The following SCHIP1 variants were observed in gnomAD, a reference collection of about 807,000 sequenced individuals.
SCHIP1 encodes the protein schwannomin-interacting protein 1.
A neutral mutation model predicts 29.7 loss-of-function variants in SCHIP1; 8 were observed. The observed-to-expected ratio is 0.27, with a 90% confidence interval of 0.16 to 0.49. The LOEUF (loss-of-function observed/expected upper bound fraction) is 0.49, where lower values mean the gene tolerates loss of function less well. SCHIP1 is among the 20% of genes least tolerant of loss of function. The pLI is 0.99. For synonymous variants in SCHIP1, 76 were observed against 94.9 expected (o/e 0.80, Z 1.16); for missense variants, 193 against 294.6 (o/e 0.66, Z 2.52).
the SCHIP1 span, among the ~76,000 whole-genome samples, chr3:159,426,671 C>G: frequency 6.6e-6 from 1 of 152,170 alleles, no homozygotes; most frequent in Non-Finnish European, 1.5e-5. Flanking sequence ...GGAATCCTCC[C>G]TAACTCATTT....
chr3:159,386,427 C>T, the SCHIP1 span, among the ~76,000 whole-genome samples: 2 of 152,208 alleles, frequency 1.3e-5, no homozygotes, highest in East Asian at 1.9e-4. Context: ...GATACACGCT[C>T]ATGGATAGGA....
the SCHIP1 span, among the ~76,000 whole-genome samples, chr3:159,672,562 G>A: frequency 6.7e-6 from 1 of 150,282 alleles, no homozygotes. Flanking sequence ...ATTTGGCAAT[G>A]TCTTGAGATA....
chr3:159,565,103 C>A, the SCHIP1 span, among the ~76,000 whole-genome samples: 2 of 152,116 alleles, frequency 1.3e-5, no homozygotes, highest in East Asian at 3.9e-4. Context: ...GATGGTCAAT[C>A]ATATGGCAGT....
the SCHIP1 span, among the ~76,000 whole-genome samples, chr3:159,818,731 G>A: frequency 1.3e-5 from 2 of 152,260 alleles, no homozygotes; most frequent in Admixed American, 6.5e-5. Context: ...ACAGAGCAAA[G>A]GTCAGCTGTG....
the SCHIP1 span, among the ~76,000 whole-genome samples, chr3:159,374,530 A>G: frequency 6.6e-6 from 1 of 152,168 alleles, no homozygotes; most frequent in Non-Finnish European, 1.5e-5. Context: ...GCAGAAGCAC[A>G]GTAAGGTTAT....
chr3:159,660,975 T>C, the SCHIP1 span, among the ~76,000 whole-genome samples: 2 of 152,108 alleles, frequency 1.3e-5, no homozygotes, highest in Non-Finnish European at 2.9e-5. Context: ...TGTATACGAA[T>C]GCCAGGCACT....
the SCHIP1 span, among the ~76,000 whole-genome samples, chr3:159,671,385 C>T: frequency 2.0e-5 from 3 of 152,126 alleles, no homozygotes; most frequent in Admixed American, 6.5e-5. Context: ...ATTCTTCTTT[C>T]TGGTCACCTT....
At chr3:159,664,170 A>T in the SCHIP1 span, among the ~76,000 whole-genome samples, 8 of 152,324 alleles carry the variant, frequency 5.3e-5, no homozygotes, top group East Asian at 1.2e-3. Flanking sequence ...AGGACATTTC[A>T]TTCATCTCTC....
intron 5 of SCHIP1, among the ~76,000 whole-genome samples, chr3:159,890,494 A>G (rs1378651826): frequency 2.0e-5 from 3 of 152,252 alleles, no homozygotes; most frequent in African/African-American, 7.2e-5. Flanking sequence ...GGACATATTC[A>G]GTGCCAAGTT....
chr3:159,618,525 G>A, the SCHIP1 span, among the ~76,000 whole-genome samples: 2 of 152,146 alleles, frequency 1.3e-5, no homozygotes, highest in Non-Finnish European at 1.5e-5. Context: ...GAAAATCTAC[G>A]GAAGAAAATT....
chr3:159,480,832 T>C, the SCHIP1 span, among the ~76,000 whole-genome samples: 1 of 152,140 alleles, frequency 6.6e-6, no homozygotes, highest in African/African-American at 2.4e-5. Flanking sequence ...CCAAATAGGC[T>C]TCGTTTGAGC....
At chr3:159,349,182 G>A in the SCHIP1 span, among the ~76,000 whole-genome samples, 1 of 152,180 alleles carries the variant, frequency 6.6e-6, no homozygotes, top group Non-Finnish European at 1.5e-5. Flanking sequence ...TGATTGGTAT[G>A]CTAACCAAAT....
At chr3:159,772,485 G>C in the SCHIP1 span, among the ~76,000 whole-genome samples, 7 of 152,214 alleles carry the variant, frequency 4.6e-5, no homozygotes, top group African/African-American at 1.7e-4. Context: ...CTTCTTATGG[G>C]TATGTCTCTT....
the SCHIP1 span, among the ~76,000 whole-genome samples, chr3:159,439,078 A>T: frequency 4.6e-5 from 7 of 152,116 alleles, no homozygotes; most frequent in Admixed American, 2.6e-4. Context: ...TGTCTTCCAC[A>T]ATGGTTGAAC....
At chr3:159,512,111 TCAA>T in the SCHIP1 span, among the ~76,000 whole-genome samples, 1 of 147,234 alleles carries the variant, frequency 6.8e-6, no homozygotes, top group African/African-American at 2.5e-5. Flanking sequence ...CTCTTACAAA[TCAA>T]CAACAACAAA....
chr3:159,599,382 T>G, the SCHIP1 span, among the ~76,000 whole-genome samples: 1 of 152,166 alleles, frequency 6.6e-6, no homozygotes. Flanking sequence ...CTGTACCCAA[T>G]GTGGTGGTGT....
the SCHIP1 span, among the ~76,000 whole-genome samples, chr3:159,519,328 T>C: frequency 6.6e-6 from 1 of 152,176 alleles, no homozygotes; most frequent in Non-Finnish European, 1.5e-5. Flanking sequence ...GCCAAGTCAT[T>C]ATAACTTTTT....
the SCHIP1 span, among the ~76,000 whole-genome samples, chr3:159,292,489 A>G: frequency 1.3e-5 from 2 of 152,164 alleles, no homozygotes; most frequent in African/African-American, 4.8e-5. Flanking sequence ...TAATATAAAG[A>G]CATTAGGACT....
chr3:159,279,262 G>C, the SCHIP1 span, among the ~76,000 whole-genome samples: 69 of 152,284 alleles, frequency 4.5e-4, no homozygotes, highest in African/African-American at 1.7e-3. Flanking sequence ...ATAAAGGGCA[G>C]TTCCCCTGCA....
Sources: allele counts gnomAD v4.1 joint callset (sites outside exome capture counted in the v4.1 genomes callset), GRCh38; gene constraint gnomAD v4.1.1; transcripts MANE v1.5; gene names NCBI Gene and HGNC (gene_info 2026-07-23, HGNC 2026-07-21).